Variants in TMEM232 observed in about 807,000 individuals in gnomAD.
TMEM232 encodes the protein transmembrane protein 232.
TMEM232 carries 80 observed loss-of-function variants against 78.8 expected under a neutral mutation model. That is an observed-to-expected ratio of 1.01 (90% CI 0.85 to 1.22). TMEM232 has a LOEUF of 1.22. TMEM232 is among the 50% of genes most tolerant of loss of function. The pLI, the probability that TMEM232 is intolerant of heterozygous loss-of-function variation, is 0.00. For synonymous variants in TMEM232, 297 were observed against 254.3 expected (o/e 1.17, Z -1.60); for missense variants, 881 against 742.2 (o/e 1.19, Z -2.17).
chr5:110,568,045 T>G (rs1279005982), intron 11 of TMEM232, among the ~76,000 whole-genome samples: 1 of 151,934 alleles, frequency 6.6e-6, no homozygotes, highest in East Asian at 1.9e-4. Context: ...CCTTAAAACT[T>G]CCATTACTTT....
intron 1 of TMEM232, among the ~76,000 whole-genome samples, chr5:110,711,538 A>T (rs1796477667): frequency 6.6e-6 from 1 of 152,194 alleles, no homozygotes; most frequent in Admixed American, 6.5e-5. Flanking sequence ...ATATACTTCA[A>T]ATTATACTAT....
At position 110,528,792 on chromosome 5, in the gene TMEM232, G is replaced by A; in HGVS notation, c.1499C>T (p.Thr500Ile). ...DPTDPFTRYSTNISSNVGEEV... is the reference protein window; with the variant it reads ...DPTDPFTRYSINISSNVGEEV... ...TTCTCCTACATTTGATGAAATATTT[G>A]TACTATATCTAGTGAAAGGATCAGT... is the stretch of plus-strand genomic sequence containing the variant. Residue 500 changes from threonine (T) to isoleucine (I), a missense_variant, in exon 12 of 14, where the codon ACA becomes ATA. Thr to Ile is a moderately conservative substitution (Grantham distance 89, BLOSUM62 -1). Transcript: ENST00000455884. 6.5e-7 allele frequency: 1 copy of A among 1,528,420 alleles called. No individual in the cohort carries two copies. Among genetic ancestry groups the A allele is most frequent in the Non-Finnish European group, 8.7e-7 (1 of 1,143,234 alleles). 94.7% of individuals were successfully genotyped at this position (1,528,420 alleles called of 1,614,324 possible). A position where few individuals can be genotyped will look rare whatever the true frequency, so the allele number is the denominator to read the frequency against.
intron 10 of TMEM232, among the ~76,000 whole-genome samples, chr5:110,583,111 T>A (rs1049423956): frequency 6.6e-6 from 1 of 151,920 alleles, no homozygotes; most frequent in African/African-American, 2.4e-5. Context: ...ACTGTCTCCA[T>A]CAAAATCTCA....
rs192387255 is a variant in TMEM232, at chr5:110,724,591, T to C, written c.-13+2036A>G. 3.9e-4 allele frequency among the ~76,000 whole-genome samples: 60 copies of C among 152,312 alleles called. 1 individual carries two copies. In the East Asian group the frequency reaches 0.011, roughly 28 times the overall value. ...CTTCCCAAAACAATCAGGAATCAAA[T>C]CCTAGATCACGGCCACTGCCATGAG... On this transcript the variant is annotated intron_variant, in intron 1 of 13. Transcript: ENST00000455884.
At chr5:110,475,120 T>C (rs910683200) in intron 12 of TMEM232, among the ~76,000 whole-genome samples, 6 of 151,996 alleles carry the variant, frequency 3.9e-5, no homozygotes, top group African/African-American at 7.2e-5. Context: ...ATTAAAATTA[T>C]GGTATTAGTG....
intron 5 of TMEM232, among the ~76,000 whole-genome samples, chr5:110,629,925 G>A (rs913670277): frequency 3.3e-5 from 5 of 152,028 alleles, no homozygotes; most frequent in African/African-American, 4.8e-5. Flanking sequence ...AAATATATTC[G>A]GGGATCATAT....
At chr5:110,670,612 A>C (rs1791231956) in intron 1 of TMEM232, among the ~76,000 whole-genome samples, 1 of 152,018 alleles carries the variant, frequency 6.6e-6, no homozygotes, top group African/African-American at 2.4e-5. Context: ...CAGAATGTAA[A>C]GCAAATGGGA....
intron 12 of TMEM232, among the ~76,000 whole-genome samples, chr5:110,445,203 C>A (rs1759514791): frequency 6.6e-6 from 1 of 151,824 alleles, no homozygotes; most frequent in Non-Finnish European, 1.5e-5. Context: ...GGATCCCTGT[C>A]TATTATGTTG....
chr5:110,612,559 T>C (rs897892719), intron 8 of TMEM232, among the ~76,000 whole-genome samples: 6 of 152,150 alleles, frequency 3.9e-5, no homozygotes, highest in African/African-American at 1.4e-4. Context: ...TGGATATCAG[T>C]GATCTAGCTG....
At chr5:110,625,480 G>A (rs1561409547) in intron 6 of TMEM232, 47 bp from the exon 7 acceptor site, 3 of 1,434,586 alleles carry the variant, frequency 2.1e-6, no homozygotes, top group South Asian at 1.5e-5. Flanking sequence ...TTAATATTTT[G>A]CACTGTGTTT....
chr5:110,684,265 G>A (rs1316658942), intron 1 of TMEM232, among the ~76,000 whole-genome samples: 1 of 150,800 alleles, frequency 6.6e-6, no homozygotes. Context: ...AAAAGAAGAG[G>A]GACCATATTT....
upstream of TMEM232, among the ~76,000 whole-genome samples, chr5:110,727,122 TA>T (rs1798231565): frequency 6.6e-6 from 1 of 152,228 alleles, no homozygotes; most frequent in Non-Finnish European, 1.5e-5. Context: ...TGCTATGTAC[TA>T]AACACCAGAG....
At chr5:110,579,938 A>T (rs898555949) in intron 10 of TMEM232, among the ~76,000 whole-genome samples, 1 of 151,710 alleles carries the variant, frequency 6.6e-6, no homozygotes, top group African/African-American at 2.4e-5. Context: ...ATATTTAAGG[A>T]TACACATAGG....
chr5:110,447,253 C>T (rs1468533153), intron 12 of TMEM232, among the ~76,000 whole-genome samples: 1 of 151,866 alleles, frequency 6.6e-6, no homozygotes, highest in Non-Finnish European at 1.5e-5. Context: ...CCTCTTAGAA[C>T]AAATGAATTT....
At chr5:110,404,051 C>T (rs921387726) in intron 2 of TMEM232, among the ~76,000 whole-genome samples, 2 of 151,944 alleles carry the variant, frequency 1.3e-5, no homozygotes, top group Admixed American at 1.3e-4. Flanking sequence ...TTTCTCTCTT[C>T]ACTCCTCTTT....
intron 2 of TMEM232, among the ~76,000 whole-genome samples, chr5:110,651,328 G>A (rs1788269477): frequency 6.6e-6 from 1 of 151,986 alleles, no homozygotes; most frequent in African/African-American, 2.4e-5. Context: ...GGCAGTCAGG[G>A]AACATCATGA....
chr5:110,566,145 G>T (rs1776312043), intron 11 of TMEM232, among the ~76,000 whole-genome samples: 2 of 151,642 alleles, frequency 1.3e-5, no homozygotes, highest in African/African-American at 4.8e-5. Flanking sequence ...ACCATTTTAG[G>T]ATTTATCAGT....
chr5:110,507,294 C>T (rs530524285), intron 12 of TMEM232, among the ~76,000 whole-genome samples: 1 of 152,196 alleles, frequency 6.6e-6, no homozygotes, highest in East Asian at 1.9e-4. Context: ...GTATGCATAA[C>T]GTGTGGTTGA....
chr5:110,686,200 A>G (rs1367114730), intron 1 of TMEM232, among the ~76,000 whole-genome samples: 1 of 152,072 alleles, frequency 6.6e-6, no homozygotes, highest in African/African-American at 2.4e-5. Context: ...TCAGTGACTT[A>G]GTTGACTAAC....
Sources: gnomAD v4.1 joint callset for allele counts (sites outside exome capture counted in the v4.1 genomes callset) on GRCh38, gnomAD v4.1.1 for gene constraint, MANE v1.5 for transcripts, NCBI Gene and HGNC (gene_info 2026-07-23, HGNC 2026-07-21) for gene names.